ATG16L2: variants seen among roughly 807,000 people sequenced by gnomAD.
The protein encoded by ATG16L2 is autophagy related 16 like 2.
In ATG16L2, 77 loss-of-function variants were observed where a neutral mutation model predicts 84.7. The ratio of observed to expected loss-of-function variants is 0.91; its 90% CI spans 0.76 to 1.10. The LOEUF (loss-of-function observed/expected upper bound fraction) is 1.10. ATG16L2 is among the 50% of genes least tolerant of loss of function. ATG16L2 has a pLI of 0.00. For missense variants in ATG16L2, 782 were observed against 817.6 expected (o/e 0.96, Z 0.53); for synonymous variants, 361 against 342.8 (o/e 1.05, Z -0.59).
Position 72,816,828 on chromosome 11 carries a change from G to T in ATG16L2, c.218+1G>T, listed in dbSNP as rs763885595. 1 of 1,613,728 alleles carries T rather than the reference G, an allele frequency of 6.2e-7. No individual in the cohort carries two copies. The highest frequency in any genetic ancestry group is 1.3e-5 in the African/African-American group (1 of 75,068). On this transcript the variant is annotated splice_donor_variant, in intron 2 of 17. Coordinates refer to ENST00000321297, the MANE Select transcript of ATG16L2 (RefSeq NM_033388.2). LOFTEE classifies it high-confidence loss of function. ...CTCCCACCACCCACCAGGGCCCCTG[G>T]TAAGTGTATGTGGGTCCGTGGTCAC... is the stretch of plus-strand genomic sequence containing the variant.
At chr11:72,837,366 G>A (rs1433004506) in intron 5 of ATG16L2, 1 of 152,046 alleles carries the variant, frequency 6.6e-6, no homozygotes, top group Non-Finnish European at 1.5e-5. Context: ...GACATTTGGC[G>A]AGCATTTCAA....
exon 6 of ATG16L2, chr11:72,843,276 A>G (rs760721519): frequency 6.2e-7 from 1 of 1,613,958 alleles, no homozygotes; most frequent in South Asian, 1.1e-5. Context: ...CGAGGTGGGA[A>G]ACTGTAGGTA....
chr11:72,832,113 G>C (rs1591319419), downstream of ATG16L2, among the ~76,000 whole-genome samples: 3 of 152,338 alleles, frequency 2.0e-5, no homozygotes, highest in African/African-American at 7.2e-5. Context: ...AGGAGTGAGG[G>C]AACTTGAATC....
At chr11:72,830,884 C>T (rs1210752608), downstream of ATG16L2, among the ~76,000 whole-genome samples, 1 of 152,354 alleles carries the variant, frequency 6.6e-6, no homozygotes, top group East Asian at 1.9e-4. Context: ...CCTGCCTTAG[C>T]CTCCCCAGTA....
chr11:72,821,596 C>T (rs1241812300), intron 3 of ATG16L2, 72 bp from the exon 4 acceptor site: 2 of 1,504,596 alleles, frequency 1.3e-6, no homozygotes, highest in Admixed American at 2.2e-5. Context: ...ACTCCCTTAG[C>T]GCCTTCGGCC....
At position 72,822,600 on chromosome 11, in the gene ATG16L2, C is replaced by T. The variant is rs1201718835; in HGVS notation, c.710+57C>T. On this transcript the variant is annotated intron_variant, in intron 6 of 17. Transcript: ENST00000321297. The surrounding 1 kb of genome is among the most constrained non-coding windows in gnomAD (Gnocchi z 4.2). Reference sequence around the variant, plus strand: ...GCGTTCTGCCTCCCGCCCCGCCTGCCTGCGGCGACCCAGGCTGCCGACTGT... The same window carrying T: ...GCGTTCTGCCTCCCGCCCCGCCTGCTTGCGGCGACCCAGGCTGCCGACTGT... The T allele has an allele frequency of 2.1e-5, 33 of 1,588,726 alleles. No individual in the cohort carries two copies. The highest frequency in any genetic ancestry group is 2.7e-5 in the Non-Finnish European group (32 of 1,167,960).
intron 9 of ATG16L2, among the ~76,000 whole-genome samples, chr11:72,825,074 A>G (rs1159672712): frequency 6.6e-6 from 1 of 152,136 alleles, no homozygotes; most frequent in African/African-American, 2.4e-5. Flanking sequence ...GAGGCCAGGC[A>G]GGAGAGTAGA....
chr11:72,834,771 A>G (rs1362199185), intron 5 of ATG16L2, among the ~76,000 whole-genome samples: 2 of 152,082 alleles, frequency 1.3e-5, no homozygotes, highest in South Asian at 2.1e-4. Flanking sequence ...TTAGTAAGAG[A>G]CGGGGTTTCC....
rs753040414 is a variant in ATG16L2 at position 72,822,580 on chromosome 11, C to G, written c.710+37C>G. The G allele has an allele frequency of 5.2e-6, 7 of 1,341,780 alleles. No individual in the cohort carries two copies. In the African/African-American group the frequency reaches 7.3e-5, roughly 14 times the overall value. 83.1% of individuals were successfully genotyped at this position (1,341,780 alleles called of 1,614,324 possible). A position where few individuals can be genotyped will look rare whatever the true frequency, so the allele number is the denominator to read the frequency against. On this transcript the variant is annotated intron_variant, in intron 6 of 17. Transcript: ENST00000321297. This position sits in a 1 kb window ranked among gnomAD's most constrained non-coding sequence, Gnocchi z 4.2. ...GATGGGCCGGTCCGACCCTTGCGTTCTGCCTCCCGCCCCGCCTGCCTGCGG... is the reference window on the plus strand; with the variant it reads ...GATGGGCCGGTCCGACCCTTGCGTTGTGCCTCCCGCCCCGCCTGCCTGCGG...
In ATG16L2 at chr11:72,822,274, TGCGCAACGA is replaced by T. The variant is rs1591302589; in HGVS notation, c.628_636del (p.Asn210_Arg212del). The T allele has an allele frequency of 6.6e-7, 1 of 1,507,806 alleles. No individual in the cohort carries two copies. The highest frequency in any genetic ancestry group is 8.8e-7 in the Non-Finnish European group (1 of 1,137,650). The allele number at this position is 1,507,806 out of a possible 1,614,324, so 93.4% of individuals were successfully genotyped here. A position where few individuals can be genotyped will look rare whatever the true frequency, so the allele number is the denominator to read the frequency against. ...GCGCGCGCCGCGGCCGAGCGCAACC[TGCGCAACGA>T]GCGCCGGGAGCGGTGAGGGAGCAGG... On this transcript the variant is annotated inframe_deletion, in exon 5 of 18. Coordinates refer to ENST00000321297, the MANE Select transcript of ATG16L2 (RefSeq NM_033388.2). This position sits in a 1 kb window ranked among gnomAD's most constrained non-coding sequence, Gnocchi z 4.2.
Position 72,824,048 on chromosome 11 carries a change from G to A in ATG16L2, c.825-12G>A. On this transcript the variant is annotated splice_polypyrimidine_tract_variant and intron_variant, in intron 7 of 17. Coordinates refer to ENST00000321297, the MANE Select transcript of ATG16L2 (RefSeq NM_033388.2). ...CCAGTCCCTTAGCATATCTCTCTTG[G>A]TTTTGTCTCAGGTCTGCCTCAGCCA... 1 of 1,614,200 alleles carries A rather than the reference G, an allele frequency of 6.2e-7. No homozygotes were observed.
At chr11:72,820,033 CGG>C (rs1859904471) in intron 3 of ATG16L2, 1 of 152,210 alleles carries the variant, frequency 6.6e-6, no homozygotes, top group African/African-American at 2.4e-5. Flanking sequence ...GCGTGAGCCA[CGG>C]CACCCGGCCT....
intron 5 of ATG16L2, among the ~76,000 whole-genome samples, chr11:72,835,168 G>A (rs900398824): frequency 3.3e-5 from 5 of 152,224 alleles, no homozygotes; most frequent in Admixed American, 6.5e-5. Context: ...GGTCACAGAC[G>A]GAACCTCCAG....
At chr11:72,817,455 G>A (rs1026807652) in intron 2 of ATG16L2, among the ~76,000 whole-genome samples, 1 of 152,194 alleles carries the variant, frequency 6.6e-6, no homozygotes, top group African/African-American at 2.4e-5. Context: ...TCTTGATCTT[G>A]TGATCCTTCC....
At chr11:72,816,879 G>A in intron 2 of ATG16L2, 52 bp downstream of exon 2, 1 of 1,337,968 alleles carries the variant, frequency 7.5e-7, no homozygotes, top group Non-Finnish European at 1.0e-6. Context: ...CTGGGGCCCT[G>A]CCCCTGCTGC....
intron 5 of ATG16L2, chr11:72,841,614 G>A (rs1289253297): frequency 6.4e-7 from 1 of 1,565,166 alleles, no homozygotes; most frequent in Admixed American, 2.0e-5. Context: ...GTTACCCGGT[G>A]CTCCCCTCCA....
At chr11:72,825,509 C>G (rs1860298055) in intron 10 of ATG16L2, 102 bp downstream of exon 10, 1 of 884,816 alleles carries the variant, frequency 1.1e-6, no homozygotes, top group Non-Finnish European at 1.8e-6. Flanking sequence ...TTGTGTTTCT[C>G]TATCTGGAAT....
intron 14 of ATG16L2, 78 bp from the exon 15 acceptor site, chr11:72,828,281 T>G (rs1860480631): frequency 2.7e-5 from 42 of 1,547,780 alleles, no homozygotes; most frequent in Non-Finnish European, 3.7e-5. Context: ...CTAGGAAGGC[T>G]GCTGCGCCTG....
chr11:72,842,409 G>A (rs965226612), intron 5 of ATG16L2, among the ~76,000 whole-genome samples: 4 of 152,240 alleles, frequency 2.6e-5, no homozygotes, highest in Non-Finnish European at 4.4e-5. Flanking sequence ...GAGAGAATGT[G>A]GGAAGATGGA....
Sources: allele counts gnomAD v4.1 joint callset (sites outside exome capture counted in the v4.1 genomes callset), GRCh38; gene constraint gnomAD v4.1.1; non-coding constraint Gnocchi (gnomAD v3.1); transcripts MANE v1.5; gene names NCBI Gene and HGNC (gene_info 2026-07-23, HGNC 2026-07-21).